Variants in ZNF624 observed in about 807,000 individuals in gnomAD.
The protein encoded by ZNF624 is zinc finger protein 624.
Under a neutral mutation model 74.7 loss-of-function variants are expected in ZNF624, and 43 were observed. The observed-to-expected ratio is 0.58, with a 90% CI of 0.45 to 0.74. ZNF624 has a LOEUF of 0.74. Among genes scored for constraint, ZNF624 ranks in the 30% least tolerant of loss-of-function variants. The probability of loss-of-function intolerance (pLI) is 0.00; values close to 1 mark genes in which losing one functional copy is unlikely to be tolerated. For synonymous variants in ZNF624, 331 were observed against 341.3 expected (o/e 0.97, Z 0.33); for missense variants, 820 against 1,030.0 (o/e 0.80, Z 2.79).
chr17:16,639,517 C>G (rs571255108), intron 3 of ZNF624, among the ~76,000 whole-genome samples: 41 of 152,214 alleles, frequency 2.7e-4, no homozygotes, highest in African/African-American at 9.6e-4. Context: ...AGGCCCTCAT[C>G]TCTCATCTAT....
downstream of ZNF624, chr17:16,617,024 C>T (rs1231941669): frequency 2.5e-6 from 4 of 1,608,430 alleles, no homozygotes; most frequent in African/African-American, 2.7e-5. Flanking sequence ...TTTGTATGAC[C>T]CTTTCCATTT....
At position 16,623,198 on chromosome 17, in the gene ZNF624, T is replaced by C. The variant is rs1908969116; in HGVS notation, c.1688A>G (p.Lys563Arg). The change falls in exon 6 of 6, where the codon AAG becomes AGG. Residue 563 changes from lysine (K) to arginine (R), a missense_variant. By Grantham distance (26) the Lys-to-Arg change is conservative. Transcript: ENST00000311331. The surrounding 1 kb of genome is among the most constrained non-coding windows in gnomAD (Gnocchi z 5.3). The part of the protein sequence containing the change: ...EKPYKCTECG[K>R]AFMRSSSLII... ...TAGAGAAGAAGAACGCATGAAGGCC[T>C]TTCCACATTCAGTACATTTATAAGG... is the stretch of plus-strand genomic sequence containing the variant. The C allele has an allele frequency of 6.2e-7, 1 of 1,613,794 alleles. No individual in the cohort carries two copies. Among genetic ancestry groups the C allele is most frequent in the Non-Finnish European group, 8.5e-7 (1 of 1,179,940 alleles).
intron 5 of ZNF624, among the ~76,000 whole-genome samples, chr17:16,626,547 G>A (rs1448503723): frequency 6.6e-6 from 1 of 152,014 alleles, no homozygotes; most frequent in African/African-American, 2.4e-5. Flanking sequence ...GAGCCCAGGA[G>A]TTTAAGACCA....
In ZNF624 at chr17:16,649,729, A is replaced by G; in HGVS notation, c.16T>C (p.Ser6Pro). MSLQD[S>P]TLSREGKPEG... ...GGTTTCCCCTCTCTGGAAAGAGTGG[A>G]GTCTTGCAAAGACATACCTAAGGAA... The change falls in exon 2 of 6, where the codon TCC (serine) becomes CCC (proline). Residue 6 changes from serine (S) to proline (P), a missense_variant. By Grantham distance (74) the Ser-to-Pro change is moderately conservative. Coordinates refer to ENST00000311331, the MANE Select transcript of ZNF624 (RefSeq NM_020787.4). 6.2e-7 allele frequency: 1 copy of G among 1,613,858 alleles called. No homozygotes were observed. The highest frequency in any genetic ancestry group is 8.5e-7 in the Non-Finnish European group (1 of 1,179,764).
At position 16,630,628 on chromosome 17, in the gene ZNF624, G is replaced by C. The variant is rs1443050966; in HGVS notation, c.376+3234C>G. Among the ~76,000 whole-genome samples, 4 of 152,202 alleles carry C rather than the reference G, an allele frequency of 2.6e-5. No homozygotes were observed. In the East Asian group the frequency reaches 7.7e-4, roughly 29 times the overall value. ...AAAAGTACAAGAATACACAGAAAGTGAAAGTTAGCAGATGAAAAAAGATAT... is the reference window on the plus strand; with the variant it reads ...AAAAGTACAAGAATACACAGAAAGTCAAAGTTAGCAGATGAAAAAAGATAT... On this transcript the variant is annotated intron_variant, in intron 5 of 5. Transcript: ENST00000311331.
At chr17:16,649,600 A>T (rs1248465992) in intron 2 of ZNF624, 58 bp downstream of exon 2, 2 of 1,508,802 alleles carry the variant, frequency 1.3e-6, no homozygotes, top group Admixed American at 1.7e-5. Flanking sequence ...GCCTTCAGGC[A>T]AAGTAAACAT....
At chr17:16,618,632 A>G (rs180749734), downstream of ZNF624, among the ~76,000 whole-genome samples, 103 of 152,348 alleles carry the variant, frequency 6.8e-4, no homozygotes, top group African/African-American at 2.4e-3. Context: ...CCACTTATAC[A>G]TGGATTTACT....
intron 3 of ZNF624, among the ~76,000 whole-genome samples, chr17:16,644,412 G>A (rs957743224): frequency 6.6e-6 from 1 of 152,104 alleles, no homozygotes; most frequent in South Asian, 2.1e-4. Context: ...AGTTCCTAGG[G>A]AGCTAAAAGA....
At chr17:16,616,835 A>G, downstream of ZNF624, 1 of 1,113,924 alleles carries the variant, frequency 9.0e-7, no homozygotes, top group South Asian at 1.5e-5. Flanking sequence ...GCAGACAACA[A>G]GAGAGTTCTG....
chr17:16,623,015 A>G lies in ZNF624; in HGVS notation c.1871T>C (p.Met624Thr). The change falls in exon 6 of 6, where the codon ATG (methionine) becomes ACG (threonine). Residue 624 changes from methionine (M) to threonine (T), a missense_variant. Met to Thr is a moderately conservative substitution (Grantham distance 81). Coordinates refer to ENST00000311331, the MANE Select transcript of ZNF624 (RefSeq NM_020787.4). This position sits in a 1 kb window ranked among gnomAD's most constrained non-coding sequence, Gnocchi z 5.3. ...TTTCTGATGCTCCTTGAGATTTACC[A>G]TTTTGGTGAATGCCCTCTCGCAGTC... ...CTDCERAFTK[M>T]VNLKEHQKIH... 2 of 1,613,714 alleles carry G rather than the reference A, an allele frequency of 1.2e-6. No individual in the cohort carries two copies. Among genetic ancestry groups the G allele is most frequent in the Non-Finnish European group, 1.7e-6 (2 of 1,179,880 alleles).
At chr17:16,615,956 CAT>C (rs56321425), downstream of ZNF624, among the ~76,000 whole-genome samples, 4,022 of 88,664 alleles carry the variant, frequency 0.045, 57 homozygotes, top group Non-Finnish European at 0.057. Flanking sequence ...ATTCCATATA[CAT>C]ATATATATAT....
At chr17:16,640,620 T>A (rs932663707) in intron 3 of ZNF624, among the ~76,000 whole-genome samples, 1 of 152,114 alleles carries the variant, frequency 6.6e-6, no homozygotes, top group Non-Finnish European at 1.5e-5. Context: ...AAAGGAACAC[T>A]ATGAACCATG....
At chr17:16,636,254 AAG>A (rs988971033) in intron 3 of ZNF624, among the ~76,000 whole-genome samples, 3 of 152,252 alleles carry the variant, frequency 2.0e-5, no homozygotes, top group Non-Finnish European at 4.4e-5. Context: ...AGTAAAGAGA[AAG>A]AATCAAACTT....
intron 5 of ZNF624, among the ~76,000 whole-genome samples, chr17:16,627,097 C>T (rs1171160170): frequency 1.3e-5 from 2 of 151,914 alleles, no homozygotes; most frequent in Non-Finnish European, 2.9e-5. Context: ...CTATATAAAA[C>T]ATATCTATAG....
downstream of ZNF624, chr17:16,616,735 CCT>C (rs1189681210): frequency 9.8e-6 from 6 of 609,530 alleles, no homozygotes; most frequent in African/African-American, 9.5e-5. Flanking sequence ...TCTGTGTGCC[CCT>C]GTTTTCAAGA....
intron 5 of ZNF624, among the ~76,000 whole-genome samples, chr17:16,630,472 G>A (rs1309440512): frequency 1.3e-5 from 2 of 152,090 alleles, no homozygotes; most frequent in South Asian, 2.1e-4. Context: ...GAGTAGAATC[G>A]CTTGAACCTG....
chr17:16,626,832 G>A (rs188640762), intron 5 of ZNF624, among the ~76,000 whole-genome samples: 5 of 152,022 alleles, frequency 3.3e-5, no homozygotes, highest in Non-Finnish European at 4.4e-5. Flanking sequence ...CAAGGTGGGC[G>A]GATTACCTGA....
chr17:16,615,974 T>C (rs201293420), downstream of ZNF624, among the ~76,000 whole-genome samples: 3 of 80,422 alleles, frequency 3.7e-5, no homozygotes, highest in South Asian at 3.3e-4. Flanking sequence ...TATATATATA[T>C]ATATATATAT....
intron 3 of ZNF624, 76 bp downstream of exon 3, chr17:16,647,253 T>G: frequency 8.0e-7 from 1 of 1,245,162 alleles, no homozygotes; most frequent in East Asian, 2.3e-5. Context: ...TGCAATTAAC[T>G]GGGAACATTG....
Sources: allele counts gnomAD v4.1 joint callset (sites outside exome capture counted in the v4.1 genomes callset), GRCh38; gene constraint gnomAD v4.1.1; non-coding constraint Gnocchi (gnomAD v3.1); transcripts MANE v1.5; gene names NCBI Gene and HGNC (gene_info 2026-07-23, HGNC 2026-07-21).